Variants in SRGAP2C observed in about 807,000 individuals in gnomAD.
SRGAP2C encodes SLIT-ROBO Rho GTPase-activating protein 2C.
In SRGAP2C, 15 loss-of-function variants were observed where a neutral mutation model predicts 25.1. The observed-to-expected ratio is 0.60, with a 90% CI of 0.40 to 0.92. SRGAP2C has a LOEUF of 0.92. Ranked by LOEUF, SRGAP2C falls within the 40% of genes least tolerant of loss-of-function variation. SRGAP2C has a pLI of 0.00. For synonymous variants in SRGAP2C, 44 were observed against 96.6 expected (o/e 0.46, Z 3.19); for missense variants, 144 against 264.4 (o/e 0.54, Z 3.16).
intron 3 of SRGAP2C, among the ~76,000 whole-genome samples, chr1:121,320,897 G>C (rs1373953716): frequency 6.6e-6 from 1 of 152,084 alleles, no homozygotes; most frequent in African/African-American, 2.4e-5. Flanking sequence ...CCCAACCACG[G>C]TCTAACATAA....
chr1:121,282,437 G>C (rs1184747315), intron 2 of SRGAP2C, among the ~76,000 whole-genome samples: 3 of 151,078 alleles, frequency 2.0e-5, no homozygotes, highest in South Asian at 2.1e-4. Flanking sequence ...AAATTCTTAA[G>C]TGCATTACAG....
At chr1:121,255,341 A>C (rs1161374634) in intron 2 of SRGAP2C, among the ~76,000 whole-genome samples, 2 of 151,802 alleles carry the variant, frequency 1.3e-5, no homozygotes, top group Non-Finnish European at 2.9e-5. Context: ...TGATTTCAGA[A>C]TAAGTGCTTC....
At chr1:121,198,291 T>G (rs1462295335) in intron 2 of SRGAP2C, among the ~76,000 whole-genome samples, 17 of 150,604 alleles carry the variant, frequency 1.1e-4, no homozygotes, top group African/African-American at 3.9e-4. Context: ...GTTTTTTTTT[T>G]TTGTTTGTTT....
At chr1:121,264,743 C>T (rs1366085537) in intron 2 of SRGAP2C, among the ~76,000 whole-genome samples, 1 of 148,844 alleles carries the variant, frequency 6.7e-6, no homozygotes, top group Non-Finnish European at 1.5e-5. Context: ...TCTTTTTCCC[C>T]GATAATGGGC....
At chr1:121,253,627 GC>G in intron 2 of SRGAP2C, among the ~76,000 whole-genome samples, 1 of 146,790 alleles carries the variant, frequency 6.8e-6, no homozygotes, top group Non-Finnish European at 1.5e-5. Flanking sequence ...ACTGAGGACT[GC>G]AAGGGGGAAC....
rs1366674408 is a variant in SRGAP2C, at chr1:121,271,382, C to T, written c.68-13421C>T. Among the ~76,000 whole-genome samples, 5 of 148,926 alleles carry T rather than the reference C, an allele frequency of 3.4e-5. No homozygotes were observed. In the South Asian group the frequency reaches 8.5e-4, roughly 25 times the overall value. On this transcript the variant is annotated intron_variant, in intron 2 of 9. Transcript: ENST00000367123. ...ACATGAGTTGCATACATAGGAAGTG[C>T]CCACTGGTTCCTGGGTGTTCTCTGA...
intron 4 of SRGAP2C, chr1:121,360,744 T>A (rs1326663556): frequency 1.0e-5 from 1 of 95,930 alleles, no homozygotes; most frequent in African/African-American, 4.2e-5. Flanking sequence ...GGTTAGTGAA[T>A]GCCCCTGAAA....
chr1:121,347,234 C>A (rs1457693726), intron 4 of SRGAP2C, among the ~76,000 whole-genome samples: 2 of 105,710 alleles, frequency 1.9e-5, no homozygotes, highest in African/African-American at 3.8e-5. Flanking sequence ...AAATCTGGTT[C>A]TTGGGAAAGA....
chr1:121,338,526 T>C (rs2101622464), intron 4 of SRGAP2C, among the ~76,000 whole-genome samples: 1 of 134,112 alleles, frequency 7.5e-6, no homozygotes, highest in African/African-American at 2.8e-5. Flanking sequence ...TCTTTGCTTT[T>C]AAGCCCAGCC....
chr1:121,329,773 G>A (rs1658395135), intron 4 of SRGAP2C, among the ~76,000 whole-genome samples: 1 of 151,948 alleles, frequency 6.6e-6, no homozygotes, highest in Non-Finnish European at 1.5e-5. Flanking sequence ...ATGAAGCCAT[G>A]TTGGAGATTC....
intron 2 of SRGAP2C, among the ~76,000 whole-genome samples, chr1:121,212,483 G>T (rs1409876470): frequency 6.6e-6 from 1 of 151,744 alleles, no homozygotes; most frequent in Non-Finnish European, 1.5e-5. Flanking sequence ...AAGGAAGAGT[G>T]GCAGTGGCAG....
At position 121,234,845 on chromosome 1, in the gene SRGAP2C, T is replaced by C. The variant is rs587669029; in HGVS notation, c.67+47332T>C. On this transcript the variant is annotated intron_variant, in intron 2 of 9. Coordinates refer to ENST00000367123, the MANE Select transcript of SRGAP2C (RefSeq NM_001329984.2). ...CTTGCTCTTTCGCTCTCTCTTGCCC[T>C]TCTGCCTTCTGCCATGGGATGATGC... Among the ~76,000 whole-genome samples the C allele has an allele frequency of 3.9e-3, 585 of 150,088 alleles. 14 individuals are homozygous for C. Among genetic ancestry groups the C allele is most frequent in the African/African-American group, 0.014 (538 of 39,686 alleles).
In SRGAP2C at chr1:121,323,258, T is replaced by C. The variant is rs1224453599; in HGVS notation, c.261-1220T>C. Among the ~76,000 whole-genome samples the C allele has an allele frequency of 2.7e-5, 4 of 150,244 alleles. No homozygotes were observed. The East Asian group carries it at 7.9e-4, about 30-fold the overall frequency. On this transcript the variant is annotated intron_variant, in intron 3 of 9. Coordinates refer to ENST00000367123, the MANE Select transcript of SRGAP2C (RefSeq NM_001329984.2). ...CAACTTCCAAATGTAGAACTTTCTG[T>C]TGCTTAAGTTAATGCTGAGTTGGTA...
intron 3 of SRGAP2C, among the ~76,000 whole-genome samples, chr1:121,285,308 T>C (rs2101568605): frequency 6.6e-6 from 1 of 150,454 alleles, no homozygotes; most frequent in South Asian, 2.1e-4. Context: ...ATGATGGTTA[T>C]TGTTATTATC....
intron 2 of SRGAP2C, among the ~76,000 whole-genome samples, chr1:121,226,051 C>T (rs1418297782): frequency 4.6e-5 from 7 of 152,040 alleles, no homozygotes; most frequent in Non-Finnish European, 1.0e-4. Context: ...GGTATTTCTT[C>T]AAAGAGGGCC....
intron 5 of SRGAP2C, among the ~76,000 whole-genome samples, chr1:121,371,124 ATCTATATATAGATAG>A (rs1220595816): frequency 6.7e-6 from 1 of 148,890 alleles, no homozygotes; most frequent in Non-Finnish European, 1.5e-5. Flanking sequence ...GCATTTGCCT[ATCTATATATAGATAG>A]AAGTATGTAT....
At chr1:121,277,301 A>G (rs1222253177) in intron 2 of SRGAP2C, among the ~76,000 whole-genome samples, 1 of 151,866 alleles carries the variant, frequency 6.6e-6, no homozygotes, top group Admixed American at 6.6e-5. Flanking sequence ...AGAACAGGGA[A>G]CTTCATACTT....
chr1:121,359,491 A>T (rs1223199626), intron 4 of SRGAP2C, among the ~76,000 whole-genome samples: 2 of 152,050 alleles, frequency 1.3e-5, no homozygotes, highest in East Asian at 3.9e-4. Context: ...CAATTTTTTT[A>T]AAAATTAGCC....
intron 2 of SRGAP2C, among the ~76,000 whole-genome samples, chr1:121,238,591 G>C (rs1656014866): frequency 6.6e-6 from 1 of 151,836 alleles, no homozygotes; most frequent in East Asian, 1.9e-4. Flanking sequence ...GCAGGGGAGT[G>C]ACATGATTCA....
Sources: allele counts gnomAD v4.1 joint callset (sites outside exome capture counted in the v4.1 genomes callset), GRCh38; gene constraint gnomAD v4.1.1; transcripts MANE v1.5; gene names NCBI Gene and HGNC (gene_info 2026-07-23, HGNC 2026-07-21).